KHDRBS2: variants seen among roughly 807,000 people sequenced by gnomAD.
The protein encoded by KHDRBS2 is KH RNA binding domain containing, signal transduction associated 2, also known as KH domain-containing, RNA-binding, signal transduction-associated protein 2.
A neutral mutation model predicts 44.3 loss-of-function variants in KHDRBS2; 26 were observed. The ratio of observed to expected loss-of-function variants is 0.59; its 90% CI spans 0.43 to 0.81. The LOEUF is 0.81. Ranked by LOEUF, KHDRBS2 falls within the 40% of genes least tolerant of loss-of-function variation. The pLI is 0.00. For missense variants in KHDRBS2, 476 were observed against 433.1 expected, an observed-to-expected ratio of 1.10 and a Z score of -0.88; for synonymous variants, 194 against 151.1, an observed-to-expected ratio of 1.28 and a Z score of -2.08.
intron 4 of KHDRBS2, among the ~76,000 whole-genome samples, chr6:61,960,799 C>T (rs182648720): frequency 6.6e-6 from 1 of 152,016 alleles, no homozygotes; most frequent in East Asian, 1.9e-4. Context: ...AGATTAAAGG[C>T]TTAATCTTCA....
the KHDRBS2 span, among the ~76,000 whole-genome samples, chr6:61,573,733 G>A: frequency 6.6e-6 from 1 of 151,696 alleles, no homozygotes; most frequent in African/African-American, 2.4e-5. Flanking sequence ...AGGTTGCAGT[G>A]AGCTGAGATT....
intron 2 of KHDRBS2, among the ~76,000 whole-genome samples, chr6:62,151,450 AT>A (rs1422538326): frequency 6.6e-6 from 1 of 152,178 alleles, no homozygotes; most frequent in Non-Finnish European, 1.5e-5. Flanking sequence ...CTGGCTCTAT[AT>A]TTAAGATATT....
chr6:61,782,013 G>GT (rs1482257553), intron 6 of KHDRBS2, among the ~76,000 whole-genome samples: 2 of 152,098 alleles, frequency 1.3e-5, no homozygotes, highest in Non-Finnish European at 2.9e-5. Flanking sequence ...TTTTGGAAGT[G>GT]TTTTTTGGTT....
At chr6:61,602,015 G>T in the KHDRBS2 span, among the ~76,000 whole-genome samples, 1 of 152,140 alleles carries the variant, frequency 6.6e-6, no homozygotes, top group East Asian at 1.9e-4. Context: ...ACCCAGCCCA[G>T]GTCACGGCTT....
intron 6 of KHDRBS2, among the ~76,000 whole-genome samples, chr6:61,779,208 A>G (rs547096115): frequency 1.3e-5 from 2 of 152,190 alleles, no homozygotes; most frequent in South Asian, 2.1e-4. Flanking sequence ...TTTTATTTTA[A>G]TGTCACAAAA....
At chr6:61,961,895 A>C (rs529846679) in intron 4 of KHDRBS2, among the ~76,000 whole-genome samples, 8 of 152,254 alleles carry the variant, frequency 5.3e-5, no homozygotes. Context: ...ATTACAGTTT[A>C]AACGGGATCA....
At chr6:62,129,052 C>T (rs952573781) in intron 2 of KHDRBS2, among the ~76,000 whole-genome samples, 3 of 151,982 alleles carry the variant, frequency 2.0e-5, no homozygotes, top group African/African-American at 4.8e-5. Context: ...GGATGTCAGA[C>T]TCAACTGACA....
chr6:62,013,198 C>A (rs1262107040), intron 3 of KHDRBS2, among the ~76,000 whole-genome samples: 1 of 152,092 alleles, frequency 6.6e-6, no homozygotes, highest in Non-Finnish European at 1.5e-5. Context: ...AAGTTATGAG[C>A]ATTTTATTCA....
intron 6 of KHDRBS2, among the ~76,000 whole-genome samples, chr6:61,847,875 G>C (rs548507029): frequency 1.7e-3 from 261 of 151,204 alleles, no homozygotes; most frequent in Admixed American, 2.8e-3. Flanking sequence ...ACATTTTAGA[G>C]GTCAGAATAT....
At chr6:61,550,076 G>T in the KHDRBS2 span, among the ~76,000 whole-genome samples, 1 of 152,096 alleles carries the variant, frequency 6.6e-6, no homozygotes, top group African/African-American at 2.4e-5. Flanking sequence ...AGGGTCAGCG[G>T]TACATAGGTA....
intron 1 of KHDRBS2, among the ~76,000 whole-genome samples, chr6:62,209,816 C>A (rs574419308): frequency 1.3e-4 from 20 of 152,220 alleles, no homozygotes; most frequent in African/African-American, 4.8e-4. Context: ...ATGCTTCCTG[C>A]CCTCGAACAT....
intron 2 of KHDRBS2, among the ~76,000 whole-genome samples, chr6:62,061,350 C>T (rs1296485221): frequency 6.6e-6 from 1 of 151,536 alleles, no homozygotes; most frequent in Non-Finnish European, 1.5e-5. Context: ...CCTTCAGGAG[C>T]TCTTTTAGGG....
chr6:61,903,097 T>C (rs969266736), intron 4 of KHDRBS2, among the ~76,000 whole-genome samples: 1 of 152,248 alleles, frequency 6.6e-6, no homozygotes, highest in Non-Finnish European at 1.5e-5. Flanking sequence ...AATTTCTACC[T>C]CATAATTTTC....
At chr6:61,658,576 C>T in the KHDRBS2 span, among the ~76,000 whole-genome samples, 204 of 152,000 alleles carry the variant, frequency 1.3e-3, no homozygotes, top group Admixed American at 2.4e-3. Context: ...CTCAAAATCA[C>T]CTGTGGAATT....
the KHDRBS2 span, among the ~76,000 whole-genome samples, chr6:61,558,805 G>T: frequency 1.3e-5 from 2 of 152,024 alleles, no homozygotes; most frequent in Non-Finnish European, 2.9e-5. Flanking sequence ...CATTATTTTT[G>T]AATTGTTTAA....
At chr6:62,141,551 C>T (rs1812807455) in intron 2 of KHDRBS2, among the ~76,000 whole-genome samples, 1 of 152,024 alleles carries the variant, frequency 6.6e-6, no homozygotes, top group South Asian at 2.1e-4. Flanking sequence ...CTGTTTACTG[C>T]AGTACATTGA....
chr6:62,253,624 CAGAAGA>C (rs901533671), intron 1 of KHDRBS2, among the ~76,000 whole-genome samples: 1 of 151,778 alleles, frequency 6.6e-6, no homozygotes. Context: ...AACTGACACA[CAGAAGA>C]AGAAGGGGGA....
intron 3 of KHDRBS2, among the ~76,000 whole-genome samples, chr6:62,044,838 G>A (rs912943740): frequency 1.1e-4 from 16 of 152,106 alleles, no homozygotes; most frequent in African/African-American, 3.4e-4. Context: ...AAGTTGAGAA[G>A]AGGATTCTGA....
chr6:61,926,972 T>C (rs1000831507), intron 4 of KHDRBS2, among the ~76,000 whole-genome samples: 2 of 152,056 alleles, frequency 1.3e-5, no homozygotes, highest in Non-Finnish European at 1.5e-5. Flanking sequence ...AGCATCCTGA[T>C]GTTATTCACC....
Sources: allele counts gnomAD v4.1 joint callset (sites outside exome capture counted in the v4.1 genomes callset), GRCh38; gene constraint gnomAD v4.1.1; transcripts MANE v1.5; gene names NCBI Gene and HGNC (gene_info 2026-07-23, HGNC 2026-07-21).